SYNPR: variants seen among roughly 807,000 people sequenced by gnomAD.
SYNPR encodes synaptoporin.
SYNPR carries 23 observed loss-of-function variants against 32.9 expected under a neutral mutation model. That is an observed-to-expected ratio of 0.70 (90% confidence interval 0.50 to 0.99). SYNPR has a LOEUF of 0.99. SYNPR is among the 50% of genes least tolerant of loss of function. SYNPR has a pLI of 0.00. For missense variants in SYNPR, 318 were observed against 349.3 expected, an observed-to-expected ratio of 0.91 and a Z score of 0.71; for synonymous variants, 146 against 135.9, an observed-to-expected ratio of 1.07 and a Z score of -0.52.
intron 2 of SYNPR, among the ~76,000 whole-genome samples, chr3:63,462,845 G>C (rs530043455): frequency 6.6e-6 from 1 of 152,140 alleles, no homozygotes; most frequent in African/African-American, 2.4e-5. Context: ...ATAAAATTTT[G>C]ATGCCCTCAA....
intron 3 of SYNPR, among the ~76,000 whole-genome samples, chr3:63,489,510 C>T (rs778530516): frequency 1.3e-5 from 2 of 152,114 alleles, no homozygotes; most frequent in Admixed American, 6.6e-5. Context: ...AATCATTTTT[C>T]CTAGATCTGT....
chr3:63,229,045 C>A (rs146444426), intron 1 of SYNPR, among the ~76,000 whole-genome samples: 2 of 152,188 alleles, frequency 1.3e-5, no homozygotes, highest in African/African-American at 4.8e-5. Context: ...TCAGAATACT[C>A]AGTTTTTATT....
chr3:63,349,036 T>C (rs1035507697), intron 2 of SYNPR, among the ~76,000 whole-genome samples: 2 of 152,176 alleles, frequency 1.3e-5, no homozygotes, highest in African/African-American at 4.8e-5. Context: ...AAAAATGACA[T>C]TGAGTAGTTT....
intron 2 of SYNPR, among the ~76,000 whole-genome samples, chr3:63,309,269 C>G (rs2086938455): frequency 6.6e-6 from 1 of 151,982 alleles, no homozygotes; most frequent in South Asian, 2.1e-4. Flanking sequence ...ACACTTACAG[C>G]TGTTTTCATG....
chr3:63,544,429 A>C (rs544565616), intron 3 of SYNPR, among the ~76,000 whole-genome samples: 7 of 152,202 alleles, frequency 4.6e-5, no homozygotes, highest in African/African-American at 9.6e-5. Flanking sequence ...ACAGGATAAT[A>C]CCTTTTCAGT....
At chr3:63,476,882 C>G (rs193021859) in intron 2 of SYNPR, among the ~76,000 whole-genome samples, 7 of 152,324 alleles carry the variant, frequency 4.6e-5, no homozygotes, top group Admixed American at 3.9e-4. Flanking sequence ...TGGGAAACTT[C>G]CTTATCCTTG....
chr3:63,576,790 CA>C (rs34309720), intron 4 of SYNPR, among the ~76,000 whole-genome samples: 1,000 of 76,254 alleles, frequency 0.013, 10 homozygotes, highest in African/African-American at 0.036. Flanking sequence ...GAATACGTCT[CA>C]AAAAAAAAAA....
chr3:63,402,845 G>C (rs900594119), intron 2 of SYNPR, among the ~76,000 whole-genome samples: 1 of 152,214 alleles, frequency 6.6e-6, no homozygotes, highest in Non-Finnish European at 1.5e-5. Context: ...CATTGCAAGT[G>C]TGATGGTGAT....
intron 4 of SYNPR, among the ~76,000 whole-genome samples, chr3:63,587,179 G>A (rs1410898485): frequency 6.6e-6 from 1 of 151,982 alleles, no homozygotes; most frequent in Non-Finnish European, 1.5e-5. Context: ...GTCATTGGCC[G>A]TGACTAAATA....
intron 3 of SYNPR, among the ~76,000 whole-genome samples, chr3:63,515,927 T>C (rs1240825248): frequency 1.3e-5 from 2 of 152,214 alleles, no homozygotes; most frequent in Non-Finnish European, 1.5e-5. Flanking sequence ...CCTACACATA[T>C]AGAGCATAAC....
chr3:63,377,056 T>C (rs1459300140), intron 2 of SYNPR, among the ~76,000 whole-genome samples: 2 of 152,160 alleles, frequency 1.3e-5, no homozygotes, highest in Non-Finnish European at 2.9e-5. Flanking sequence ...CAAGTACAAC[T>C]GATGTAGCTA....
chr3:63,491,727 G>A (rs1701260575), intron 3 of SYNPR, among the ~76,000 whole-genome samples: 1 of 151,678 alleles, frequency 6.6e-6, no homozygotes, highest in Non-Finnish European at 1.5e-5. Flanking sequence ...CACCATGTTG[G>A]CCATGCTGTT....
chr3:63,613,609 GCAAAAAA>G (rs1185311013), intron 5 of SYNPR, among the ~76,000 whole-genome samples: 1 of 13,418 alleles, frequency 7.5e-5, no homozygotes, highest in East Asian at 4.2e-3. Flanking sequence ...TTATGCTGCA[GCAAAAAA>G]AAAAAAAAAA....
intron 3 of SYNPR, among the ~76,000 whole-genome samples, chr3:63,556,202 GC>G (rs750424593): frequency 2.0e-5 from 3 of 152,160 alleles, no homozygotes; most frequent in Non-Finnish European, 2.9e-5. Flanking sequence ...CCAAGGTAAG[GC>G]CTGGCGAGCC....
At chr3:63,341,459 G>T (rs1284903578) in intron 2 of SYNPR, among the ~76,000 whole-genome samples, 2 of 152,150 alleles carry the variant, frequency 1.3e-5, no homozygotes, top group East Asian at 1.9e-4. Context: ...GTACCATTTT[G>T]TGTCTCCACC....
At chr3:63,456,073 C>T (rs1022274871) in intron 2 of SYNPR, among the ~76,000 whole-genome samples, 4 of 151,952 alleles carry the variant, frequency 2.6e-5, no homozygotes, top group South Asian at 4.2e-4. Flanking sequence ...AGAGAGAGCT[C>T]GTGCAGGGGA....
intron 3 of SYNPR, among the ~76,000 whole-genome samples, chr3:63,546,114 G>A (rs957850461): frequency 3.3e-5 from 5 of 152,020 alleles, no homozygotes; most frequent in African/African-American, 1.2e-4. Context: ...TACAGATAAC[G>A]ACCTCAATAT....
At chr3:63,536,600 T>C (rs999044095) in intron 3 of SYNPR, among the ~76,000 whole-genome samples, 1 of 152,140 alleles carries the variant, frequency 6.6e-6, no homozygotes, top group African/African-American at 2.4e-5. Flanking sequence ...AACTGTATGA[T>C]CTAGCAATTC....
rs1486911240 is a variant in SYNPR at position 63,388,110 on chromosome 3, G to T, written c.85-92722G>T. 2.6e-5 allele frequency among the ~76,000 whole-genome samples: 4 copies of T among 152,096 alleles called. No individual in the cohort carries two copies. In the East Asian group the frequency reaches 7.7e-4, roughly 29 times the overall value. ...AGCTGGGGCGAGGGGCCTGAACTTG[G>T]GTACCCATTATCAGTTACTGAATGT... On this transcript the variant is annotated intron_variant, in intron 2 of 5. Coordinates refer to ENST00000478300, the MANE Select transcript of SYNPR (RefSeq NM_001130003.2).
Sources: gnomAD v4.1 joint callset for allele counts (sites outside exome capture counted in the v4.1 genomes callset) on GRCh38, gnomAD v4.1.1 for gene constraint, MANE v1.5 for transcripts, NCBI Gene and HGNC (gene_info 2026-07-23, HGNC 2026-07-21) for gene names.